The following GPATCH11 variants were observed in gnomAD, a reference collection of about 807,000 sequenced individuals.
GPATCH11 encodes G patch domain-containing protein 11.
A neutral mutation model predicts 44.8 loss-of-function variants in GPATCH11; 32 were observed. That is an observed-to-expected ratio of 0.71 (90% confidence interval 0.54 to 0.96). GPATCH11 has a LOEUF of 0.96. GPATCH11 is among the 40% of genes least tolerant of loss of function. The probability of loss-of-function intolerance (pLI) is 0.00; values close to 1 mark genes in which losing one functional copy is unlikely to be tolerated. For missense variants in GPATCH11, 324 were observed against 303.1 expected (o/e 1.07, Z -0.51); for synonymous variants, 84 against 94.4 (o/e 0.89, Z 0.64).
In GPATCH11 at chr2:37,095,517, A is replaced by G. The variant is rs1389516164; in HGVS notation, c.735A>G (p.Glu245=). 1 of 1,585,596 alleles carries G rather than the reference A, an allele frequency of 6.3e-7. No homozygotes were observed. The highest frequency in any genetic ancestry group is 8.5e-7 in the Non-Finnish European group (1 of 1,170,790). ...GTATTTGGTGTGGAACAGCCTATGAAGGTAAGAAAATTACTTTATGCTTTT... is the reference window on the plus strand; with the variant it reads ...GTATTTGGTGTGGAACAGCCTATGAGGGTAAGAAAATTACTTTATGCTTTT... ...LYCIWCGTAY[E]DKEDLSSNCP... The change falls in exon 8 of 9, where the codon GAA becomes GAG. Residue 245 remains glutamate, a splice_region_variant and synonymous_variant. Transcript: ENST00000674370.
Position 37,089,777 on chromosome 2 carries a change from G to T in GPATCH11, c.197G>T (p.Gly66Val). Reference sequence around the variant, plus strand: ...GAAGAACAAGAAAGACGTGACATTGGGTTGAAGAATGCACTAGGCTGTGAA... The same window carrying T: ...GAAGAACAAGAAAGACGTGACATTGTGTTGAAGAATGCACTAGGCTGTGAA... Reference protein sequence around the residue: ...KEEEQERRDIGLKNALGCENK... With the variant: ...KEEEQERRDIVLKNALGCENK... The change falls in exon 3 of 9, where the codon GGG becomes GTG. Residue 66 changes from glycine to valine, a missense_variant. Transcript: ENST00000674370. 1 of 1,551,918 alleles carries T rather than the reference G, an allele frequency of 6.4e-7. No individual in the cohort carries two copies. Among genetic ancestry groups the T allele is most frequent in the Non-Finnish European group, 8.7e-7 (1 of 1,147,058 alleles).
At chr2:37,091,379 C>T (rs1457629661) in intron 4 of GPATCH11, among the ~76,000 whole-genome samples, 2 of 148,622 alleles carry the variant, frequency 1.3e-5, no homozygotes, top group Middle Eastern at 3.5e-3. Flanking sequence ...GGCAACATAG[C>T]AAGACCTCAT....
chr2:37,094,371 C>T, intron 7 of GPATCH11, 176 bp downstream of exon 7: 1 of 510,682 alleles, frequency 2.0e-6, no homozygotes, highest in Non-Finnish European at 3.6e-6. Context: ...CAACCAAAAC[C>T]CTCTCCAGAC....
chr2:37,098,523 G>A lies in GPATCH11; in HGVS notation c.*2260G>A, dbSNP rs1673709980. The A allele has an allele frequency of 6.6e-6, 1 of 152,124 alleles. No individual in the cohort carries two copies. Among genetic ancestry groups the A allele is most frequent in the Non-Finnish European group, 1.5e-5 (1 of 68,048 alleles). The allele number at this position is 152,124 out of a possible 1,614,324, so 9.4% of individuals were successfully genotyped here. A position where few individuals can be genotyped will look rare whatever the true frequency, so the allele number is the denominator to read the frequency against. On this transcript the variant is annotated 3_prime_UTR_variant, in exon 9 of 9. Coordinates refer to ENST00000674370, the MANE Select transcript of GPATCH11 (RefSeq NM_174931.4). ...GATAATTTCAGATGGAATGGAGTTA[G>A]ACAGGAACTGGCTTCCCTTTCTCCT... is the stretch of plus-strand genomic sequence containing the variant.
At chr2:37,086,841 C>CT (rs1673075584) in intron 1 of GPATCH11, among the ~76,000 whole-genome samples, 1 of 152,054 alleles carries the variant, frequency 6.6e-6, no homozygotes, top group Non-Finnish European at 1.5e-5. Context: ...TATAGTAATC[C>CT]TTTTTTCATC....
intron 6 of GPATCH11, among the ~76,000 whole-genome samples, chr2:37,092,485 T>A (rs7582985): frequency 7.6e-6 from 1 of 131,150 alleles, no homozygotes; most frequent in East Asian, 2.1e-4. Context: ...ATATAATATA[T>A]ATATTATATA....
chr2:37,088,544 C>A, intron 2 of GPATCH11, 104 bp downstream of exon 2: 1 of 630,448 alleles, frequency 1.6e-6, no homozygotes, highest in South Asian at 2.5e-5. Context: ...GAGACAGGGT[C>A]TCATTCTGTT....
At position 37,096,432 on chromosome 2, in the gene GPATCH11, A is replaced by T. The variant is rs1465554607; in HGVS notation, c.*169A>T. The T allele has an allele frequency of 5.1e-6, 3 of 587,414 alleles. No homozygotes were observed. The highest frequency in any genetic ancestry group is 9.1e-6 in the Non-Finnish European group (3 of 330,326). 36.4% of individuals were successfully genotyped at this position (587,414 alleles called of 1,614,324 possible). A position where few individuals can be genotyped will look rare whatever the true frequency, so the allele number is the denominator to read the frequency against. ...TATGAATGTTCATTGACTTGAAAAA[A>T]ATAATGCAATGGCATTTCAGAACAC... is the stretch of plus-strand genomic sequence containing the variant. On this transcript the variant is annotated 3_prime_UTR_variant, in exon 9 of 9. Coordinates refer to ENST00000674370, the MANE Select transcript of GPATCH11 (RefSeq NM_174931.4).
Position 37,091,869 on chromosome 2 carries a change from A to C in GPATCH11, c.329-47A>C, listed in dbSNP as rs1163708259. On this transcript the variant is annotated intron_variant, in intron 4 of 8. Transcript: ENST00000674370. ...TACATAGTTAAATCGTCTTGTTTTG[A>C]AGCACAAAGTCAGGATGTTTCTCAT... 4 of 1,572,680 alleles carry C rather than the reference A, an allele frequency of 2.5e-6. No individual in the cohort carries two copies. In the East Asian group the frequency reaches 9.0e-5, roughly 35 times the overall value.
At chr2:37,085,783 G>C (rs1238222695) in intron 1 of GPATCH11, among the ~76,000 whole-genome samples, 1 of 152,214 alleles carries the variant, frequency 6.6e-6, no homozygotes, top group African/African-American at 2.4e-5. Context: ...GTTTCTATGG[G>C]TCAGGAATTT....
At chr2:37,091,817 A>T in intron 4 of GPATCH11, 99 bp from the exon 5 acceptor site, 1 of 1,101,384 alleles carries the variant, frequency 9.1e-7, no homozygotes, top group Non-Finnish European at 1.3e-6. Flanking sequence ...GAGTGATAGT[A>T]CTCAAATGAG....
At chr2:37,090,251 T>C (rs1435763265) in intron 3 of GPATCH11, among the ~76,000 whole-genome samples, 1 of 152,254 alleles carries the variant, frequency 6.6e-6, no homozygotes, top group Non-Finnish European at 1.5e-5. Flanking sequence ...GGCAGCCATC[T>C]GAATGACCGT....
At chr2:37,086,037 T>TC (rs1448163173) in intron 1 of GPATCH11, among the ~76,000 whole-genome samples, 2 of 152,070 alleles carry the variant, frequency 1.3e-5, no homozygotes, top group Non-Finnish European at 2.9e-5. Flanking sequence ...TTCAAGTGAG[T>TC]CATCTAACTT....
At chr2:37,085,637 G>T (rs564780063) in intron 1 of GPATCH11, among the ~76,000 whole-genome samples, 10 of 152,316 alleles carry the variant, frequency 6.6e-5, no homozygotes, top group African/African-American at 2.4e-4. Context: ...AACCAAAAGA[G>T]AGTTGCAACT....
chr2:37,090,266 T>A (rs1482017336), intron 3 of GPATCH11, among the ~76,000 whole-genome samples: 1 of 152,238 alleles, frequency 6.6e-6, no homozygotes, highest in Non-Finnish European at 1.5e-5. Context: ...GACCGTCCAG[T>A]TGGAGAGGCT....
rs1023016744 is a variant in GPATCH11, at chr2:37,092,152, T to G, written c.450-13T>G. ...ACGTAGACCTTTAGTTTACAATTTT[T>G]TCTTTCAATTAGAATGCGACTTAAA... On this transcript the variant is annotated splice_polypyrimidine_tract_variant and intron_variant, in intron 5 of 8. Transcript: ENST00000674370. The G allele has an allele frequency of 5.8e-6, 9 of 1,548,500 alleles. No homozygotes were observed. The highest frequency in any genetic ancestry group is 1.4e-5 in the African/African-American group (1 of 72,000).
intron 8 of GPATCH11, 44 bp from the exon 9 acceptor site, chr2:37,096,164 G>A (rs1673568506): frequency 1.3e-5 from 15 of 1,170,486 alleles, no homozygotes; most frequent in Non-Finnish European, 1.8e-5. Context: ...CTAGTTTACT[G>A]TAGAAGTTGT....
intron 6 of GPATCH11, 120 bp downstream of exon 6, chr2:37,092,375 A>T (rs1673374519): frequency 5.5e-6 from 1 of 181,638 alleles, no homozygotes; most frequent in Non-Finnish European, 1.2e-5. Context: ...TATATGTATT[A>T]TATGTTTATA....
At position 37,098,918 on chromosome 2, in the gene GPATCH11, G is replaced by A. The variant is rs1006387299; in HGVS notation, c.*2655G>A. On this transcript the variant is annotated 3_prime_UTR_variant, in exon 9 of 9. Coordinates refer to ENST00000674370, the MANE Select transcript of GPATCH11 (RefSeq NM_174931.4). ...AAAAAAAATCAGACTTTCAATATGA[G>A]TAACAAGTTATTTTTAGGCCTTTTA... 8 of 152,134 alleles carry A rather than the reference G, an allele frequency of 5.3e-5. No individual in the cohort carries two copies. Among genetic ancestry groups the A allele is most frequent in the African/African-American group, 1.7e-4 (7 of 41,430 alleles). The allele number at this position is 152,134 out of a possible 1,614,324, so 9.4% of individuals were successfully genotyped here.
Sources: allele counts gnomAD v4.1 joint callset (sites outside exome capture counted in the v4.1 genomes callset), GRCh38; gene constraint gnomAD v4.1.1; transcripts MANE v1.5; gene names NCBI Gene and HGNC (gene_info 2026-07-23, HGNC 2026-07-21).